Variants in XKR6 observed in about 807,000 individuals in gnomAD.
XKR6 encodes XK related 6.
A neutral mutation model predicts 56.7 loss-of-function variants in XKR6; 22 were observed. The ratio of observed to expected loss-of-function variants is 0.39; its 90% CI spans 0.28 to 0.55. The LOEUF is 0.55. XKR6 is among the 20% of genes least tolerant of loss of function. The probability of loss-of-function intolerance (pLI) is 0.66; values close to 1 mark genes in which losing one functional copy is unlikely to be tolerated. For synonymous variants in XKR6, 524 were observed against 387.8 expected, an observed-to-expected ratio of 1.35 and a Z score of -4.13; for missense variants, 852 against 889.0, an observed-to-expected ratio of 0.96 and a Z score of 0.53.
intron 1 of XKR6, among the ~76,000 whole-genome samples, chr8:11,181,994 A>C (rs867382570): frequency 6.6e-6 from 1 of 152,202 alleles, no homozygotes; most frequent in Non-Finnish European, 1.5e-5. Flanking sequence ...CATGTTGCCC[A>C]GGCTGGTCTT....
At chr8:11,073,847 G>T (rs535660918) in intron 1 of XKR6, among the ~76,000 whole-genome samples, 2 of 152,250 alleles carry the variant, frequency 1.3e-5, no homozygotes, top group South Asian at 4.2e-4. Flanking sequence ...GAAAGCCCTT[G>T]AGGCCGACTA....
chr8:10,985,212 A>T (rs1188894720), intron 1 of XKR6, among the ~76,000 whole-genome samples: 1 of 152,060 alleles, frequency 6.6e-6, no homozygotes, highest in Non-Finnish European at 1.5e-5. Context: ...ATGTCACGGG[A>T]GGGACCTGGT....
chr8:11,153,007 T>C lies in XKR6; in HGVS notation c.764+47569A>G, dbSNP rs1316656666. On this transcript the variant is annotated intron_variant, in intron 1 of 2. Coordinates refer to ENST00000416569, the MANE Select transcript of XKR6 (RefSeq NM_173683.4). Reference sequence around the variant, plus strand: ...GTTTCTGACTATGATCACAGAGTAATACTAACAAAATCTTGCTATTTGAAG... The same window carrying C: ...GTTTCTGACTATGATCACAGAGTAACACTAACAAAATCTTGCTATTTGAAG... Among the ~76,000 whole-genome samples, 3 of 152,218 alleles carry C rather than the reference T, an allele frequency of 2.0e-5. No individual in the cohort carries two copies. The East Asian group carries it at 5.8e-4, about 29-fold the overall frequency.
At chr8:11,144,378 A>G (rs1245197794) in intron 1 of XKR6, among the ~76,000 whole-genome samples, 1 of 150,830 alleles carries the variant, frequency 6.6e-6, no homozygotes, top group Non-Finnish European at 1.5e-5. Flanking sequence ...TAGATGAGAG[A>G]TGGTCACATT....
intron 1 of XKR6, among the ~76,000 whole-genome samples, chr8:11,130,000 C>A (rs1332360773): frequency 3.3e-5 from 5 of 152,114 alleles, no homozygotes; most frequent in African/African-American, 1.2e-4. Flanking sequence ...ATCCCTATCA[C>A]ATTTCTTACA....
intron 1 of XKR6, among the ~76,000 whole-genome samples, chr8:11,036,363 AGCCACTGT>A (rs1799143842): frequency 1.3e-5 from 2 of 152,238 alleles, no homozygotes; most frequent in Admixed American, 1.3e-4. Flanking sequence ...ACCTAGAGGA[AGCCACTGT>A]GCCCCTATTT....
intron 1 of XKR6, among the ~76,000 whole-genome samples, chr8:11,064,730 C>A (rs943715044): frequency 1.3e-5 from 2 of 152,146 alleles, no homozygotes; most frequent in South Asian, 2.1e-4. Context: ...ACAGAAGGCA[C>A]ACAAATAATA....
intron 1 of XKR6, among the ~76,000 whole-genome samples, chr8:11,151,654 G>T (rs1178088202): frequency 1.3e-5 from 2 of 151,752 alleles, no homozygotes; most frequent in Non-Finnish European, 2.9e-5. Context: ...TCTCAGTTCA[G>T]AAAATCCAGA....
chr8:11,163,736 A>G (rs80337840), intron 1 of XKR6, among the ~76,000 whole-genome samples: 7,963 of 152,242 alleles, frequency 0.052, 306 homozygotes, highest in South Asian at 0.098. Context: ...ACATAAACTC[A>G]TTTCTTCTTC....
intron 1 of XKR6, among the ~76,000 whole-genome samples, chr8:11,183,415 T>C (rs887078255): frequency 1.3e-5 from 2 of 152,018 alleles, no homozygotes; most frequent in African/African-American, 4.8e-5. Context: ...TGGGCTCCAG[T>C]GATTCTCTTC....
At chr8:11,143,813 A>G (rs930120100) in intron 1 of XKR6, among the ~76,000 whole-genome samples, 3 of 152,226 alleles carry the variant, frequency 2.0e-5, no homozygotes, top group Admixed American at 1.3e-4. Context: ...GAGGGCTACC[A>G]TAACAAAATA....
intron 1 of XKR6, among the ~76,000 whole-genome samples, chr8:10,983,302 G>T (rs1797777620): frequency 6.6e-6 from 1 of 151,932 alleles, no homozygotes; most frequent in East Asian, 1.9e-4. Context: ...AGGAAGAAAG[G>T]ACAAACATAC....
chr8:11,045,711 T>C (rs888237932), intron 1 of XKR6, among the ~76,000 whole-genome samples: 6 of 151,690 alleles, frequency 4.0e-5, no homozygotes, highest in African/African-American at 1.4e-4. Context: ...ATCAGGTCTT[T>C]CTCCTGTTCC....
intron 1 of XKR6, among the ~76,000 whole-genome samples, chr8:11,069,946 G>A (rs1479224925): frequency 6.6e-6 from 1 of 152,214 alleles, no homozygotes; most frequent in South Asian, 2.1e-4. Flanking sequence ...CCAAGGATTA[G>A]TCAATAGAGG....
intron 1 of XKR6, among the ~76,000 whole-genome samples, chr8:10,927,191 C>G (rs867846532): frequency 1.3e-5 from 2 of 152,086 alleles, no homozygotes. Flanking sequence ...GCTGATCAAC[C>G]GTGATGGCAG....
chr8:10,991,245 G>T (rs1797986358), intron 1 of XKR6, among the ~76,000 whole-genome samples: 1 of 152,062 alleles, frequency 6.6e-6, no homozygotes, highest in South Asian at 2.1e-4. Context: ...GGTGAGAGTA[G>T]GGGGGAAATG....
rs146379748 is a variant in XKR6 at position 10,898,579 on chromosome 8, G to A, written c.1299C>T (p.Val433=). 5 of 1,614,124 alleles carry A rather than the reference G, an allele frequency of 3.1e-6. No homozygotes were observed. In the East Asian group the frequency reaches 1.1e-4, roughly 36 times the overall value. Residue 433 remains valine (V), a synonymous_variant, in exon 3 of 3, where the codon GTC becomes GTT. Transcript: ENST00000416569. This position sits in a 1 kb window ranked among gnomAD's most constrained non-coding sequence, Gnocchi z 6.6. ...GIVYIFCWFN[V]KEGRTRYRMF... is the part of the protein sequence containing the mutation. ...TTCGATATCGAGTCCGCCCTTCCTT[G>A]ACGTTAAACCAGCAGAAAATGTACA...
chr8:10,971,357 C>A (rs1461374872), intron 1 of XKR6, among the ~76,000 whole-genome samples: 3 of 151,900 alleles, frequency 2.0e-5, no homozygotes, highest in Non-Finnish European at 2.9e-5. Context: ...GGAGGCGGAG[C>A]TTGCAGTGAG....
chr8:10,961,439 C>G (rs1802057185), intron 1 of XKR6, among the ~76,000 whole-genome samples: 1 of 152,166 alleles, frequency 6.6e-6, no homozygotes, highest in South Asian at 2.1e-4. Context: ...CAGAGGCTGG[C>G]TAGGGGCGGC....
Sources: gnomAD v4.1 joint callset for allele counts (sites outside exome capture counted in the v4.1 genomes callset) on GRCh38, gnomAD v4.1.1 for gene constraint, Gnocchi (gnomAD v3.1) non-coding constraint, MANE v1.5 for transcripts, NCBI Gene and HGNC (gene_info 2026-07-23, HGNC 2026-07-21) for gene names.